The following DLGAP1 variants were observed in gnomAD, a reference collection of about 807,000 sequenced individuals.
DLGAP1 encodes the protein disks large-associated protein 1.
A neutral mutation model predicts 90.8 loss-of-function variants in DLGAP1; 11 were observed. The observed-to-expected ratio is 0.12, with a 90% CI of 0.08 to 0.20. The LOEUF (loss-of-function observed/expected upper bound fraction) is 0.20, where lower values mean the gene tolerates loss of function less well. Among genes scored for constraint, DLGAP1 ranks in the 10% least tolerant of loss-of-function variants. The probability of loss-of-function intolerance (pLI) is 1.00; values close to 1 mark genes in which losing one functional copy is unlikely to be tolerated. For synonymous variants in DLGAP1, 558 were observed against 540.7 expected, an observed-to-expected ratio of 1.03 and a Z score of -0.44; for missense variants, 1,050 against 1,333.8, an observed-to-expected ratio of 0.79 and a Z score of 3.31.
intron 7 of DLGAP1, among the ~76,000 whole-genome samples, chr18:3,705,617 G>T (rs952283003): frequency 6.6e-6 from 1 of 150,788 alleles, no homozygotes; most frequent in African/African-American, 2.4e-5. Context: ...TTTAACTAAG[G>T]TGACCATATA....
At chr18:4,253,063 G>T (rs1037743278) in intron 1 of DLGAP1, among the ~76,000 whole-genome samples, 1 of 152,124 alleles carries the variant, frequency 6.6e-6, no homozygotes, top group Non-Finnish European at 1.5e-5. Flanking sequence ...TGCAGTATGC[G>T]GTGTTACGTA....
At chr18:4,363,242 G>A (rs896167557) in intron 1 of DLGAP1, among the ~76,000 whole-genome samples, 7 of 152,128 alleles carry the variant, frequency 4.6e-5, no homozygotes, top group Non-Finnish European at 7.4e-5. Context: ...GGAAGGGCCC[G>A]GGCTATCCAC....
chr18:3,827,471 A>T (rs2067784204), intron 4 of DLGAP1, among the ~76,000 whole-genome samples: 1 of 152,246 alleles, frequency 6.6e-6, no homozygotes, highest in South Asian at 2.1e-4. Context: ...ACACTAAGTC[A>T]GCAACGTTAA....
intron 1 of DLGAP1, among the ~76,000 whole-genome samples, chr18:4,326,646 G>A (rs545775515): frequency 1.4e-4 from 21 of 152,226 alleles, no homozygotes; most frequent in Admixed American, 1.3e-3. Flanking sequence ...ACACACCATG[G>A]AATAATATGC....
rs367965497 is a variant in DLGAP1 at position 3,623,771 on chromosome 18, C to T, written c.1592-41523G>A. 9.1e-3 allele frequency among the ~76,000 whole-genome samples: 858 copies of T among 94,344 alleles called. 7 individuals carry two copies. The highest frequency in any genetic ancestry group is 0.033 in the African/African-American group (815 of 24,504). 61.9% of individuals were successfully genotyped at this position (94,344 alleles called of 152,430 possible). A position where few individuals can be genotyped will look rare whatever the true frequency, so the allele number is the denominator to read the frequency against. ...CAGCCTGAGAGACAGAGCAAGACTC[C>T]GTCTCAAAAAAAAAAAAAAAAAAAA... On this transcript the variant is annotated intron_variant, in intron 7 of 12. Coordinates refer to ENST00000315677, the MANE Select transcript of DLGAP1 (RefSeq NM_004746.4).
At chr18:3,699,593 C>G (rs903648234) in intron 7 of DLGAP1, among the ~76,000 whole-genome samples, 1 of 152,134 alleles carries the variant, frequency 6.6e-6, no homozygotes, top group African/African-American at 2.4e-5. Context: ...GGAGGTATCT[C>G]CCAGTCAGGA....
intron 2 of DLGAP1, among the ~76,000 whole-genome samples, chr18:4,116,908 T>C (rs567034982): frequency 6.6e-6 from 1 of 152,216 alleles, no homozygotes; most frequent in Non-Finnish European, 1.5e-5. Context: ...TACTATGAGC[T>C]GAATATGTTA....
At chr18:4,046,945 T>C (rs1239821936) in intron 2 of DLGAP1, among the ~76,000 whole-genome samples, 3 of 152,262 alleles carry the variant, frequency 2.0e-5, no homozygotes, top group Non-Finnish European at 4.4e-5. Context: ...GGATGTCAGA[T>C]TGATAAGACC....
chr18:4,170,255 G>C lies in DLGAP1; in HGVS notation c.-266-18968C>G, dbSNP rs994254874. Among the ~76,000 whole-genome samples the C allele has an allele frequency of 2.0e-5, 3 of 152,292 alleles. No homozygotes were observed. The East Asian group carries it at 5.8e-4, about 29-fold the overall frequency. On this transcript the variant is annotated intron_variant, in intron 1 of 12. Transcript: ENST00000315677. Reference sequence around the variant, plus strand: ...AAAGAGGAGTAGAGGAAGAATTCAAGATTTTTAGCTTTAGAATGGGATTAA... The same window carrying C: ...AAAGAGGAGTAGAGGAAGAATTCAACATTTTTAGCTTTAGAATGGGATTAA...
At chr18:4,054,810 T>C (rs12958142) in intron 2 of DLGAP1, among the ~76,000 whole-genome samples, 116,237 of 152,068 alleles carry the variant, frequency 0.76, 44,612 homozygotes, top group Middle Eastern at 0.9. Flanking sequence ...TATTACTCAC[T>C]GAAAATAACA....
chr18:3,933,265 AG>A (rs1287973002), intron 3 of DLGAP1, among the ~76,000 whole-genome samples: 3 of 152,178 alleles, frequency 2.0e-5, no homozygotes, highest in Non-Finnish European at 4.4e-5. Flanking sequence ...GCCTTTCTGT[AG>A]CTTATAGTGC....
chr18:3,697,066 G>C (rs534818010), intron 7 of DLGAP1, among the ~76,000 whole-genome samples: 1 of 152,002 alleles, frequency 6.6e-6, no homozygotes, highest in Non-Finnish European at 1.5e-5. Flanking sequence ...TTTTTATTGT[G>C]TCTATTTGAT....
At chr18:3,778,106 C>T (rs1370244643) in intron 5 of DLGAP1, among the ~76,000 whole-genome samples, 1 of 152,136 alleles carries the variant, frequency 6.6e-6, no homozygotes, top group Admixed American at 6.5e-5. Flanking sequence ...TAATTGCATG[C>T]ATCATAGCCT....
chr18:3,952,707 G>A (rs1235154480), intron 3 of DLGAP1, among the ~76,000 whole-genome samples: 1 of 152,168 alleles, frequency 6.6e-6, no homozygotes, highest in Non-Finnish European at 1.5e-5. Flanking sequence ...AGATTATCTT[G>A]CATAAAGAAA....
At chr18:3,591,477 T>G (rs1046910102) in intron 7 of DLGAP1, among the ~76,000 whole-genome samples, 1 of 151,912 alleles carries the variant, frequency 6.6e-6, no homozygotes, top group Non-Finnish European at 1.5e-5. Flanking sequence ...CTCTTTGAGC[T>G]CAGGAGTCTG....
At chr18:4,405,320 A>G (rs189483851) in intron 1 of DLGAP1, among the ~76,000 whole-genome samples, 1 of 152,320 alleles carries the variant, frequency 6.6e-6, no homozygotes, top group African/African-American at 2.4e-5. Flanking sequence ...AATACAACAT[A>G]GATGACAGAT....
intron 1 of DLGAP1, among the ~76,000 whole-genome samples, chr18:4,292,860 G>A (rs931773615): frequency 6.6e-6 from 1 of 152,168 alleles, no homozygotes; most frequent in African/African-American, 2.4e-5. Flanking sequence ...TACAAAATCA[G>A]TATGTGATTG....
intron 1 of DLGAP1, among the ~76,000 whole-genome samples, chr18:4,187,970 C>T (rs1310385907): frequency 3.9e-5 from 6 of 152,044 alleles, no homozygotes; most frequent in Admixed American, 6.6e-5. Context: ...TGCACTCCAG[C>T]CTAGGAGACA....
At chr18:3,654,818 GAGA>G (rs1338935312) in intron 7 of DLGAP1, 1 of 152,204 alleles carries the variant, frequency 6.6e-6, no homozygotes, top group Non-Finnish European at 1.5e-5. Flanking sequence ...TCCTCGAGGT[GAGA>G]AGGTCTTTTT....
Sources: gnomAD v4.1 joint callset for allele counts (sites outside exome capture counted in the v4.1 genomes callset) on GRCh38, gnomAD v4.1.1 for gene constraint, MANE v1.5 for transcripts, NCBI Gene and HGNC (gene_info 2026-07-23, HGNC 2026-07-21) for gene names.